Variants in DYM observed in about 807,000 individuals in gnomAD.
The protein encoded by DYM is dyggve-Melchior-Clausen syndrome protein.
DYM carries 78 observed loss-of-function variants against 93.1 expected under a neutral mutation model. The observed-to-expected ratio is 0.84, with a 90% CI of 0.70 to 1.01. DYM has a LOEUF of 1.01. Among genes scored for constraint, DYM ranks in the 50% least tolerant of loss-of-function variants. DYM has a pLI of 0.00. For missense variants in DYM, 789 were observed against 845.0 expected, an observed-to-expected ratio of 0.93 and a Z score of 0.82; for synonymous variants, 321 against 319.7, an observed-to-expected ratio of 1.00 and a Z score of -0.04.
chr18:49,372,680 A>C (rs1303238719), intron 5 of DYM, among the ~76,000 whole-genome samples: 1 of 152,178 alleles, frequency 6.6e-6, no homozygotes, highest in African/African-American at 2.4e-5. Flanking sequence ...GGGAGGTGGA[A>C]GCTGCAGTGA....
At chr18:49,314,137 C>A (rs560096091) in intron 8 of DYM, among the ~76,000 whole-genome samples, 72 of 152,282 alleles carry the variant, frequency 4.7e-4, no homozygotes, top group African/African-American at 1.7e-3. Flanking sequence ...TCATTCCCTC[C>A]CTTTTCTTTA....
intron 17 of DYM, among the ~76,000 whole-genome samples, chr18:49,054,535 G>C (rs1410699232): frequency 6.6e-6 from 1 of 152,222 alleles, no homozygotes; most frequent in Non-Finnish European, 1.5e-5. Flanking sequence ...GAGCCACTGT[G>C]CTGGGCCAGA....
chr18:49,093,540 G>A (rs960489760), intron 17 of DYM, among the ~76,000 whole-genome samples: 3 of 152,186 alleles, frequency 2.0e-5, no homozygotes, highest in Admixed American at 1.3e-4. Context: ...GGGCGGCAAC[G>A]TGGAGGGAAA....
intron 13 of DYM, among the ~76,000 whole-genome samples, chr18:49,223,412 A>G (rs1018516087): frequency 6.6e-6 from 1 of 152,102 alleles, no homozygotes; most frequent in Non-Finnish European, 1.5e-5. Context: ...ACAAAACTTC[A>G]TTTACAAAAA....
chr18:49,080,311 ACGGGGTGGCTGGCCGGG>A (rs1464475126), intron 17 of DYM, among the ~76,000 whole-genome samples: 3 of 125,304 alleles, frequency 2.4e-5, no homozygotes, highest in Non-Finnish European at 3.4e-5. Flanking sequence ...CACCTCCCGG[ACGGGGTGGCTGGCCGGG>A]CGGGGGGCTG....
chr18:49,179,007 C>G (rs1456522333), intron 14 of DYM, among the ~76,000 whole-genome samples: 1 of 151,992 alleles, frequency 6.6e-6, no homozygotes, highest in East Asian at 1.9e-4. Context: ...TTACAGCACA[C>G]TGAAGGGCAT....
At chr18:49,452,271 A>G (rs181632638) in intron 1 of DYM, among the ~76,000 whole-genome samples, 23 of 152,356 alleles carry the variant, frequency 1.5e-4, no homozygotes, top group Admixed American at 1.2e-3. Flanking sequence ...TCATAAAGGC[A>G]GTGTGGACCC....
intron 1 of DYM, among the ~76,000 whole-genome samples, chr18:49,437,993 G>A (rs560679940): frequency 5.3e-5 from 8 of 152,012 alleles, no homozygotes; most frequent in African/African-American, 1.2e-4. Flanking sequence ...CCAGGAGTAC[G>A]AGGCCAGCCT....
intron 15 of DYM, among the ~76,000 whole-genome samples, chr18:49,143,561 A>G (rs896088016): frequency 6.6e-6 from 1 of 152,170 alleles, no homozygotes; most frequent in African/African-American, 2.4e-5. Flanking sequence ...AGAAAACCAA[A>G]TATCAGAGAG....
chr18:49,101,701 T>C (rs1423400068), intron 16 of DYM, among the ~76,000 whole-genome samples: 2 of 152,200 alleles, frequency 1.3e-5, no homozygotes, highest in African/African-American at 4.8e-5. Context: ...AATACATATA[T>C]ATTTCCTCAT....
rs967241679 is a variant in DYM at position 49,127,500 on chromosome 18, T to C, written c.1729-8574A>G. ...AAGAGAAGCATATGTATCTTGTTTGTATTAGTTTTGGGGGGATTCCAAGAG... is the reference window on the plus strand; with the variant it reads ...AAGAGAAGCATATGTATCTTGTTTGCATTAGTTTTGGGGGGATTCCAAGAG... On this transcript the variant is annotated intron_variant, in intron 15 of 17. Coordinates refer to ENST00000675505, the MANE Select transcript of DYM (RefSeq NM_001353214.3). Among the ~76,000 whole-genome samples the C allele has an allele frequency of 2.6e-5, 4 of 152,224 alleles. No homozygotes were observed. In the East Asian group the frequency reaches 7.7e-4, roughly 29 times the overall value.
intron 8 of DYM, among the ~76,000 whole-genome samples, chr18:49,309,452 C>A (rs898050419): frequency 6.6e-6 from 1 of 152,106 alleles, no homozygotes; most frequent in Admixed American, 6.5e-5. Flanking sequence ...CTGGGCAACA[C>A]AGCAAGATGC....
At chr18:49,392,885 C>T (rs1450424370) in intron 2 of DYM, among the ~76,000 whole-genome samples, 1 of 150,366 alleles carries the variant, frequency 6.7e-6, no homozygotes, top group Non-Finnish European at 1.5e-5. Flanking sequence ...ATCCCAGCTA[C>T]TTGGGAGGAT....
chr18:49,073,112 G>A (rs899307658), intron 17 of DYM, among the ~76,000 whole-genome samples: 1 of 152,112 alleles, frequency 6.6e-6, no homozygotes, highest in Non-Finnish European at 1.5e-5. Flanking sequence ...TCAATCTCAG[G>A]GAAGTTATGA....
At chr18:49,289,792 C>CATAT (rs1309764681) in intron 8 of DYM, among the ~76,000 whole-genome samples, 1 of 64,798 alleles carries the variant, frequency 1.5e-5, no homozygotes, top group African/African-American at 5.8e-5. Flanking sequence ...TATATATACA[C>CATAT]ACATATATAT....
intron 3 of DYM, among the ~76,000 whole-genome samples, chr18:49,390,422 TC>T (rs1406607903): frequency 1.3e-5 from 2 of 151,482 alleles, no homozygotes; most frequent in African/African-American, 4.9e-5. Context: ...AAAGCAAGAC[TC>T]TATCTCTTTA....
intron 17 of DYM, among the ~76,000 whole-genome samples, chr18:49,084,888 C>T (rs1004734575): frequency 2.6e-5 from 4 of 152,122 alleles, no homozygotes; most frequent in Admixed American, 6.5e-5. Flanking sequence ...ATTATGAAGA[C>T]GATGACAGTT....
intron 16 of DYM, among the ~76,000 whole-genome samples, chr18:49,103,432 C>A (rs959827709): frequency 1.3e-5 from 2 of 152,136 alleles, no homozygotes; most frequent in African/African-American, 2.4e-5. Flanking sequence ...TCCCATTTGT[C>A]AATTTTAGCT....
At chr18:49,178,535 GA>G (rs1466306233) in intron 14 of DYM, among the ~76,000 whole-genome samples, 7 of 152,138 alleles carry the variant, frequency 4.6e-5, no homozygotes, top group Non-Finnish European at 7.4e-5. Flanking sequence ...AAAATATGTG[GA>G]ACTGCACAAT....
Sources: allele counts gnomAD v4.1 joint callset (sites outside exome capture counted in the v4.1 genomes callset), GRCh38; gene constraint gnomAD v4.1.1; transcripts MANE v1.5; gene names NCBI Gene and HGNC (gene_info 2026-07-23, HGNC 2026-07-21).